TBC1D5: variants seen among roughly 807,000 people sequenced by gnomAD.
TBC1D5 encodes the protein TBC1 domain family, member 5.
In TBC1D5, 75 loss-of-function variants were observed where a neutral mutation model predicts 100.3. That is an observed-to-expected ratio of 0.75 (90% CI 0.62 to 0.91). The LOEUF (loss-of-function observed/expected upper bound fraction) is 0.91, where lower values mean the gene tolerates loss of function less well. Ranked by LOEUF, TBC1D5 falls within the 40% of genes least tolerant of loss-of-function variation. The pLI, the probability that TBC1D5 is intolerant of heterozygous loss-of-function variation, is 0.00. For missense variants in TBC1D5, 910 were observed against 942.4 expected (o/e 0.97, Z 0.45); for synonymous variants, 323 against 325.6 (o/e 0.99, Z 0.09).
chr3:17,662,663 A>G (rs933637102), intron 1 of TBC1D5, among the ~76,000 whole-genome samples: 30 of 152,206 alleles, frequency 2.0e-4, no homozygotes, highest in African/African-American at 6.0e-4. Context: ...CTGATTAGCT[A>G]AAGTGCTAAG....
intron 9 of TBC1D5, among the ~76,000 whole-genome samples, chr3:17,381,677 T>G (rs923726406): frequency 6.6e-6 from 1 of 152,014 alleles, no homozygotes; most frequent in Non-Finnish European, 1.5e-5. Context: ...TTTCCCCCAG[T>G]CTCCTTTTTG....
chr3:17,589,520 C>T (rs1238696921), intron 2 of TBC1D5, among the ~76,000 whole-genome samples: 1 of 152,302 alleles, frequency 6.6e-6, no homozygotes. Flanking sequence ...TCTCCCTGCA[C>T]AAGATCTTGA....
intron 2 of TBC1D5, among the ~76,000 whole-genome samples, chr3:17,574,678 T>G (rs151326590): frequency 6.6e-6 from 1 of 152,084 alleles, no homozygotes; most frequent in Non-Finnish European, 1.5e-5. Context: ...CAGCCATCTA[T>G]CTCCGCAAGT....
intron 1 of TBC1D5, among the ~76,000 whole-genome samples, chr3:17,673,675 T>C (rs1476767894): frequency 6.6e-6 from 1 of 152,112 alleles, no homozygotes; most frequent in African/African-American, 2.4e-5. Context: ...TCTTAAAAAA[T>C]TTAAAAGGTT....
chr3:17,393,206 TG>T (rs1189155891), intron 8 of TBC1D5, among the ~76,000 whole-genome samples: 1 of 152,150 alleles, frequency 6.6e-6, no homozygotes, highest in Non-Finnish European at 1.5e-5. Flanking sequence ...TTGATGGGGT[TG>T]TTTTTTTCTT....
intron 3 of TBC1D5, among the ~76,000 whole-genome samples, chr3:17,485,793 A>C (rs1268543649): frequency 1.3e-5 from 2 of 151,766 alleles, no homozygotes; most frequent in Non-Finnish European, 3.0e-5. Context: ...ATAGTGCCGC[A>C]ATAAACATAC....
At chr3:17,516,945 CA>C (rs1403096707) in intron 2 of TBC1D5, among the ~76,000 whole-genome samples, 1 of 152,170 alleles carries the variant, frequency 6.6e-6, no homozygotes, top group Non-Finnish European at 1.5e-5. Context: ...TAGGTCTTCG[CA>C]CATCCCCATC....
intron 18 of TBC1D5, among the ~76,000 whole-genome samples, chr3:17,198,479 A>G (rs1422097275): frequency 1.3e-5 from 2 of 152,254 alleles, no homozygotes; most frequent in Non-Finnish European, 2.9e-5. Context: ...AGTTTTTAGT[A>G]TAAATATGTC....
chr3:17,217,646 G>A (rs935137584), intron 17 of TBC1D5, among the ~76,000 whole-genome samples: 8 of 152,026 alleles, frequency 5.3e-5, no homozygotes, highest in African/African-American at 7.2e-5. Context: ...ATCTTTTCAG[G>A]TGCTTATTAG....
intron 17 of TBC1D5, 70 bp downstream of exon 18, chr3:17,233,615 G>A: frequency 1.1e-6 from 1 of 909,160 alleles, no homozygotes; most frequent in Non-Finnish European, 1.7e-6. Context: ...GAAAAATGGA[G>A]TTTTGGAGTA....
intron 5 of TBC1D5, among the ~76,000 whole-genome samples, chr3:17,405,669 G>T (rs1053875795): frequency 6.6e-6 from 1 of 152,020 alleles, no homozygotes; most frequent in African/African-American, 2.4e-5. Context: ...GCATCTAAAA[G>T]AAGAAAAGTG....
In TBC1D5 at chr3:17,428,400, T is replaced by C. The variant is rs1302141610; in HGVS notation, c.167+50A>G. 4 of 463,002 alleles carry C rather than the reference T, an allele frequency of 8.6e-6. No individual in the cohort carries two copies. The African/African-American group carries it at 1.1e-4, about 13-fold the overall frequency. 28.7% of individuals were successfully genotyped at this position (463,002 alleles called of 1,614,324 possible). On this transcript the variant is annotated intron_variant, in intron 4 of 21. Transcript: ENST00000253692. ...ACATTATCTTATAATATTATATGTG[T>C]GTGTGTGTGTGTATATATATATATA... is the stretch of plus-strand genomic sequence containing the variant.
rs898297213 is a variant in TBC1D5 at position 17,212,645 on chromosome 3, G to A, written c.1752+1562C>T. Reference sequence around the variant, plus strand: ...ACCCTCCAGGGGGACAAAACGTGGAGGTGGAAACAATGATACTGATGATCC... The same window carrying A: ...ACCCTCCAGGGGGACAAAACGTGGAAGTGGAAACAATGATACTGATGATCC... On this transcript the variant is annotated intron_variant, in intron 18 of 21. Transcript: ENST00000253692. 2.6e-5 allele frequency among the ~76,000 whole-genome samples: 4 copies of A among 152,182 alleles called. No individual in the cohort carries two copies. In the South Asian group the frequency reaches 6.2e-4, roughly 24 times the overall value.
intron 18 of TBC1D5, among the ~76,000 whole-genome samples, chr3:17,205,620 C>G (rs2072059973): frequency 6.6e-6 from 1 of 152,178 alleles, no homozygotes; most frequent in Non-Finnish European, 1.5e-5. Flanking sequence ...TCACATCCCC[C>G]CAACTACTGG....
At chr3:17,504,108 T>G (rs1244461339) in intron 3 of TBC1D5, among the ~76,000 whole-genome samples, 1 of 151,110 alleles carries the variant, frequency 6.6e-6, no homozygotes, top group Non-Finnish European at 1.5e-5. Flanking sequence ...GTTCATACAT[T>G]ACAACTTAAG....
exon 22 of TBC1D5, chr3:17,160,606 A>G (rs1803471): frequency 9.3e-6 from 2 of 215,388 alleles, no homozygotes; most frequent in African/African-American, 4.5e-5. Context: ...GAGGTGCCAC[A>G]CATTCTTAGC....
intron 1 of TBC1D5, among the ~76,000 whole-genome samples, chr3:17,670,063 T>C (rs955034072): frequency 6.6e-6 from 1 of 152,184 alleles, no homozygotes; most frequent in Non-Finnish European, 1.5e-5. Flanking sequence ...TTTTTTTGTA[T>C]TTTTAGTAGA....
At chr3:17,683,462 T>C (rs2069782293) in intron 1 of TBC1D5, among the ~76,000 whole-genome samples, 2 of 151,818 alleles carry the variant, frequency 1.3e-5, no homozygotes, top group South Asian at 2.1e-4. Context: ...AAGAATTAAA[T>C]CAGAAAATTC....
chr3:17,704,562 C>A (rs1577643077), intron 1 of TBC1D5, among the ~76,000 whole-genome samples: 2 of 78,456 alleles, frequency 2.5e-5, no homozygotes, highest in African/African-American at 4.5e-5. Flanking sequence ...CGACCCCCCC[C>A]ACCTCCCTCC....
Sources: gnomAD v4.1 joint callset for allele counts (sites outside exome capture counted in the v4.1 genomes callset) on GRCh38, gnomAD v4.1.1 for gene constraint, MANE v1.5 for transcripts, NCBI Gene and HGNC (gene_info 2026-07-23, HGNC 2026-07-21) for gene names.